Variants in ZNF141 observed in about 807,000 individuals in gnomAD.
ZNF141 encodes the protein zinc finger protein 141 (clone pHZ-44).
Under a neutral mutation model 11.3 loss-of-function variants are expected in ZNF141, and 7 were observed. The ratio of observed to expected loss-of-function variants is 0.62; its 90% CI spans 0.35 to 1.16. ZNF141 has a LOEUF of 1.16. ZNF141 is among the 50% of genes most tolerant of loss of function. The probability of loss-of-function intolerance (pLI) is 0.02; values close to 1 mark genes in which losing one functional copy is unlikely to be tolerated. For synonymous variants in ZNF141, 183 were observed against 190.7 expected, an observed-to-expected ratio of 0.96 and a Z score of 0.33; for missense variants, 535 against 554.0, an observed-to-expected ratio of 0.97 and a Z score of 0.34.
intron 3 of ZNF141, among the ~76,000 whole-genome samples, chr4:365,327 G>A (rs1711687852): frequency 6.6e-6 from 1 of 152,172 alleles, no homozygotes. Context: ...CTTGCCCTCA[G>A]TGGGCTGCAC....
rs992423662 is a variant in ZNF141, at chr4:375,921, A to G, written c.*2059A>G. 2.0e-5 allele frequency among the ~76,000 whole-genome samples: 3 copies of G among 152,008 alleles called. No homozygotes were observed. The highest frequency in any genetic ancestry group is 7.2e-5 in the African/African-American group (3 of 41,438). On this transcript the variant is annotated 3_prime_UTR_variant, in exon 4 of 4. Coordinates refer to ENST00000240499, the MANE Select transcript of ZNF141 (RefSeq NM_003441.4). ...TAGCAGAGAGGCTTTTTTGTAGTTG[A>G]CAATATTGAGTGATGCATGAGGTAG... is the stretch of plus-strand genomic sequence containing the variant.
rs1485292184 is a variant in ZNF141 at position 369,735 on chromosome 4, GAGATATATATAT to G, written c.227-2927_227-2916del. Among the ~76,000 whole-genome samples the G allele has an allele frequency of 1.7e-3, 27 of 16,150 alleles. 2 individuals carry two copies. Among genetic ancestry groups the G allele is most frequent in the Middle Eastern group, 0.02 (1 of 50 alleles). The allele number at this position is 16,150 out of a possible 152,430, so 10.6% of individuals were successfully genotyped here. A position where few individuals can be genotyped will look rare whatever the true frequency, so the allele number is the denominator to read the frequency against. ...TGGGAATTCTGAAAAATTTCTTAAA[GAGATATATATAT>G]ATATATATATATATATATTTTTTTT... On this transcript the variant is annotated intron_variant, in intron 3 of 3. Transcript: ENST00000240499.
chr4:353,096 G>A (rs922540182), intron 3 of ZNF141, among the ~76,000 whole-genome samples: 1 of 152,180 alleles, frequency 6.6e-6, no homozygotes, highest in Non-Finnish European at 1.5e-5. Flanking sequence ...AATCAGGCTG[G>A]ATGTGGTGGC....
At chr4:363,807 G>A (rs1367525605) in intron 3 of ZNF141, among the ~76,000 whole-genome samples, 3 of 150,698 alleles carry the variant, frequency 2.0e-5, no homozygotes, top group African/African-American at 4.9e-5. Flanking sequence ...TGCCCATTTA[G>A]TATGATATTG....
intron 1 of ZNF141, among the ~76,000 whole-genome samples, chr4:341,423 T>C (rs1489543594): frequency 1.3e-5 from 2 of 152,214 alleles, no homozygotes; most frequent in African/African-American, 4.8e-5. Flanking sequence ...GAAGTTGTTA[T>C]TATTTGTATT....
At position 383,292 on chromosome 4, in the gene ZNF141, C is replaced by G. The variant is rs782585179; in HGVS notation, c.*9430C>G. On this transcript the variant is annotated 3_prime_UTR_variant, in exon 4 of 4. Coordinates refer to ENST00000240499, the MANE Select transcript of ZNF141 (RefSeq NM_003441.4). Reference sequence around the variant, plus strand: ...GCCCGGCTGAGCCCAGCCTAAATTTCTAACCAGCTCAATCCTGAGCTAGTA... The same window carrying G: ...GCCCGGCTGAGCCCAGCCTAAATTTGTAACCAGCTCAATCCTGAGCTAGTA... 3 of 619,332 alleles carry G rather than the reference C, an allele frequency of 4.8e-6. No individual in the cohort carries two copies. Among genetic ancestry groups the G allele is most frequent in the Non-Finnish European group, 8.6e-6 (3 of 350,108 alleles). 38.4% of individuals were successfully genotyped at this position (619,332 alleles called of 1,614,324 possible).
At chr4:368,444 A>G (rs1467156624) in intron 3 of ZNF141, among the ~76,000 whole-genome samples, 3 of 152,068 alleles carry the variant, frequency 2.0e-5, no homozygotes, top group East Asian at 1.9e-4. Flanking sequence ...GTTTCACCAC[A>G]TTGGTCAAGC....
chr4:355,960 C>G (rs1553851157), intron 3 of ZNF141, among the ~76,000 whole-genome samples: 1 of 152,094 alleles, frequency 6.6e-6, no homozygotes, highest in East Asian at 1.9e-4. Context: ...AGGCTGGGCA[C>G]AGTGGCTTAC....
intron 3 of ZNF141, chr4:358,305 C>T (rs998263873): frequency 3.4e-5 from 12 of 354,896 alleles, no homozygotes; most frequent in East Asian, 1.1e-4. Context: ...CTCCTGCCTC[C>T]GCCTCCCAAG....
intron 3 of ZNF141, among the ~76,000 whole-genome samples, chr4:366,089 G>T (rs1411233657): frequency 6.6e-6 from 1 of 151,942 alleles, no homozygotes; most frequent in Non-Finnish European, 1.5e-5. Flanking sequence ...GATTCTTTTT[G>T]CCCAGGATTA....
chr4:358,183 CTTTTTTTTTT>C (rs575102486), intron 3 of ZNF141: 2 of 301,904 alleles, frequency 6.6e-6, no homozygotes, highest in South Asian at 2.3e-5. Flanking sequence ...GTTTCTCGTT[CTTTTTTTTTT>C]TTTTTTTTTT....
At chr4:347,328 C>T (rs549960930) in intron 3 of ZNF141, among the ~76,000 whole-genome samples, 4 of 146,240 alleles carry the variant, frequency 2.7e-5, no homozygotes, top group East Asian at 2.0e-4. Flanking sequence ...TGAGACACCA[C>T]GCCCGGCCAA....
At chr4:362,991 T>C (rs1488092967) in intron 3 of ZNF141, among the ~76,000 whole-genome samples, 4 of 152,210 alleles carry the variant, frequency 2.6e-5, no homozygotes, top group Non-Finnish European at 5.9e-5. Context: ...TTCATGATAT[T>C]GATTCTTCCT....
intron 3 of ZNF141, among the ~76,000 whole-genome samples, chr4:346,796 T>A (rs550873733): frequency 7.9e-5 from 12 of 151,962 alleles, no homozygotes; most frequent in African/African-American, 2.9e-4. Context: ...ATGGCTAGAT[T>A]TCCTTCTCTT....
chr4:367,127 C>CT (rs1392057404), intron 3 of ZNF141, among the ~76,000 whole-genome samples: 125 of 151,698 alleles, frequency 8.2e-4, no homozygotes, highest in African/African-American at 2.8e-3. Context: ...GAGCAGAAAT[C>CT]TTCTTTTTTT....
At chr4:366,860 G>A (rs1711768304) in intron 3 of ZNF141, among the ~76,000 whole-genome samples, 2 of 151,950 alleles carry the variant, frequency 1.3e-5, no homozygotes, top group Admixed American at 1.3e-4. Context: ...GAGAGACAGT[G>A]TTTCGCCATG....
At chr4:347,098 C>T (rs1721365561) in intron 3 of ZNF141, among the ~76,000 whole-genome samples, 1 of 148,064 alleles carries the variant, frequency 6.8e-6, no homozygotes, top group South Asian at 2.1e-4. Context: ...AGTGCAGTGG[C>T]ACGCTGTTGG....
At chr4:362,388 T>G (rs782424369) in intron 3 of ZNF141, among the ~76,000 whole-genome samples, 18 of 152,238 alleles carry the variant, frequency 1.2e-4, no homozygotes, top group Non-Finnish European at 2.6e-4. Context: ...TTTAATTAGA[T>G]TCCATTTGTC....
chr4:372,746 T>C lies in ZNF141; in HGVS notation c.309T>C (p.Tyr103=), dbSNP rs1366288407. 6 of 1,613,580 alleles carry C rather than the reference T, an allele frequency of 3.7e-6. No individual in the cohort carries two copies. Among genetic ancestry groups the C allele is most frequent in the East Asian group, 2.2e-5 (1 of 44,846 alleles). The part of the protein sequence containing the change: ...DSFHKLILRR[Y]EKCGHDNLQL... ...TCCACAAACTTATACTGAGAAGATA[T>C]GAGAAATGTGGACATGATAATTTAC... The change falls in exon 4 of 4, where the codon TAT becomes TAC. Residue 103 remains tyrosine (Y), a synonymous_variant. Coordinates refer to ENST00000240499, the MANE Select transcript of ZNF141 (RefSeq NM_003441.4).
Sources: allele counts gnomAD v4.1 joint callset (sites outside exome capture counted in the v4.1 genomes callset), GRCh38; gene constraint gnomAD v4.1.1; transcripts MANE v1.5; gene names NCBI Gene and HGNC (gene_info 2026-07-23, HGNC 2026-07-21).